The following EGFLAM variants were observed in gnomAD, a reference collection of about 807,000 sequenced individuals.
EGFLAM encodes the protein EGF like, fibronectin type III and laminin G domains.
A neutral mutation model predicts 113.1 loss-of-function variants in EGFLAM; 79 were observed. The observed-to-expected ratio is 0.70, with a 90% CI of 0.58 to 0.84. EGFLAM has a LOEUF of 0.84. EGFLAM is among the 40% of genes least tolerant of loss of function. EGFLAM has a pLI of 0.00. For missense variants in EGFLAM, 1,265 were observed against 1,291.6 expected (o/e 0.98, Z 0.32); for synonymous variants, 504 against 487.6 (o/e 1.03, Z -0.44).
chr5:38,431,347 C>G (rs1478763896), intron 15 of EGFLAM, 59 bp downstream of exon 15: 1 of 1,534,370 alleles, frequency 6.5e-7, no homozygotes, highest in Non-Finnish European at 8.9e-7. Flanking sequence ...CTGTTTTCTG[C>G]CTGTCTTGGT....
At chr5:38,275,283 G>T (rs1038015175) in intron 1 of EGFLAM, among the ~76,000 whole-genome samples, 7 of 152,088 alleles carry the variant, frequency 4.6e-5, no homozygotes, top group Admixed American at 3.9e-4. Flanking sequence ...ACATAAAGTG[G>T]CTTGAAAAAC....
intron 19 of EGFLAM, among the ~76,000 whole-genome samples, chr5:38,458,070 A>G (rs1743146498): frequency 6.6e-6 from 1 of 152,204 alleles, no homozygotes; most frequent in Non-Finnish European, 1.5e-5. Flanking sequence ...ATGCTTAAAA[A>G]TGGTTACGAT....
intron 1 of EGFLAM, among the ~76,000 whole-genome samples, chr5:38,306,597 A>T (rs1011243693): frequency 2.6e-5 from 4 of 152,178 alleles, no homozygotes; most frequent in African/African-American, 9.7e-5. Flanking sequence ...TATTGTATTT[A>T]TATATACATT....
chr5:38,395,200 A>C (rs375273043), intron 6 of EGFLAM, among the ~76,000 whole-genome samples: 3 of 149,812 alleles, frequency 2.0e-5, no homozygotes, highest in African/African-American at 7.4e-5. Context: ...TTGGCCTCCC[A>C]AAGTGCTGGG....
chr5:38,286,859 C>T (rs759563211), intron 1 of EGFLAM, among the ~76,000 whole-genome samples: 21 of 152,266 alleles, frequency 1.4e-4, no homozygotes, highest in South Asian at 6.2e-4. Flanking sequence ...TGTGAATATA[C>T]GCAGGCAGTC....
chr5:38,313,744 A>G (rs1442575092), intron 1 of EGFLAM, among the ~76,000 whole-genome samples: 1 of 152,196 alleles, frequency 6.6e-6, no homozygotes, highest in East Asian at 1.9e-4. Context: ...TTACTCATGT[A>G]ATATTTGAAT....
intron 19 of EGFLAM, among the ~76,000 whole-genome samples, chr5:38,457,401 G>C (rs1228357573): frequency 1.3e-5 from 2 of 152,148 alleles, no homozygotes; most frequent in Admixed American, 1.3e-4. Context: ...GGGAGAATCG[G>C]CTCCATGCCT....
intron 11 of EGFLAM, among the ~76,000 whole-genome samples, chr5:38,415,603 G>A (rs1199560171): frequency 6.6e-6 from 1 of 152,154 alleles, no homozygotes; most frequent in Non-Finnish European, 1.5e-5. Context: ...GAGCCCAGGA[G>A]GTGAAGCCTG....
chr5:38,277,801 A>G (rs1332740891), intron 1 of EGFLAM, among the ~76,000 whole-genome samples: 1 of 152,202 alleles, frequency 6.6e-6, no homozygotes, highest in East Asian at 1.9e-4. Context: ...TAGATACAAA[A>G]ATTGAAATAC....
chr5:38,301,899 T>C (rs1474406012), intron 1 of EGFLAM, among the ~76,000 whole-genome samples: 2 of 152,114 alleles, frequency 1.3e-5, no homozygotes, highest in Non-Finnish European at 2.9e-5. Context: ...CAATTTCCAA[T>C]ATCTCCCTCC....
chr5:38,323,698 T>C (rs994371201), intron 1 of EGFLAM, among the ~76,000 whole-genome samples: 3 of 152,076 alleles, frequency 2.0e-5, no homozygotes, highest in African/African-American at 7.2e-5. Flanking sequence ...ATGTAACAGA[T>C]AAGATCCCAC....
chr5:38,299,034 T>C (rs145857030), intron 1 of EGFLAM, among the ~76,000 whole-genome samples: 1 of 152,354 alleles, frequency 6.6e-6, no homozygotes, highest in Non-Finnish European at 1.5e-5. Flanking sequence ...CAATGATTTC[T>C]TCCTATGTAA....
chr5:38,462,846 A>G, intron 20 of EGFLAM, 62 bp from the exon 21 acceptor site: 1 of 1,549,012 alleles, frequency 6.5e-7, no homozygotes, highest in Non-Finnish European at 8.9e-7. Context: ...AAATGAATGA[A>G]TGATTGAATG....
chr5:38,279,705 A>G (rs1757969241), intron 1 of EGFLAM, among the ~76,000 whole-genome samples: 1 of 152,178 alleles, frequency 6.6e-6, no homozygotes, highest in African/African-American at 2.4e-5. Flanking sequence ...GGTGGTAACC[A>G]GAGGCTGGGT....
At chr5:38,342,270 T>A (rs1739357189) in intron 3 of EGFLAM, among the ~76,000 whole-genome samples, 1 of 152,216 alleles carries the variant, frequency 6.6e-6, no homozygotes, top group Admixed American at 6.5e-5. Context: ...TAAGCTCTGG[T>A]TCAAGAGTAG....
intron 5 of EGFLAM, among the ~76,000 whole-genome samples, chr5:38,352,553 A>G (rs1739657354): frequency 6.6e-6 from 1 of 151,886 alleles, no homozygotes. Context: ...AGGCTGAGGC[A>G]GGAGAAATGC....
At chr5:38,421,523 T>A (rs1021444522) in intron 12 of EGFLAM, among the ~76,000 whole-genome samples, 9 of 152,210 alleles carry the variant, frequency 5.9e-5, no homozygotes, top group Non-Finnish European at 1.2e-4. Flanking sequence ...AATAAATACT[T>A]CACTGAGCAC....
In EGFLAM at chr5:38,347,318, A is replaced by T. The variant is rs1739497079; in HGVS notation, c.292-3183A>T. 2.6e-5 allele frequency among the ~76,000 whole-genome samples: 4 copies of T among 152,194 alleles called. No homozygotes were observed. In the South Asian group the frequency reaches 8.3e-4, roughly 31 times the overall value. Reference sequence around the variant, plus strand: ...CTTGAGCATTTGCTAGATGTCTGGTAATACTATGCTAAGCTTTGGGATGCC... The same window carrying T: ...CTTGAGCATTTGCTAGATGTCTGGTTATACTATGCTAAGCTTTGGGATGCC... On this transcript the variant is annotated intron_variant, in intron 3 of 21. Coordinates refer to ENST00000322350, the MANE Select transcript of EGFLAM (RefSeq NM_152403.4).
chr5:38,283,415 C>T (rs1001211708), intron 1 of EGFLAM, among the ~76,000 whole-genome samples: 1 of 152,078 alleles, frequency 6.6e-6, no homozygotes, highest in South Asian at 2.1e-4. Context: ...GAAGAATCCA[C>T]GTTTACATAT....
Sources: gnomAD v4.1 joint callset for allele counts (sites outside exome capture counted in the v4.1 genomes callset) on GRCh38, gnomAD v4.1.1 for gene constraint, MANE v1.5 for transcripts, NCBI Gene and HGNC (gene_info 2026-07-23, HGNC 2026-07-21) for gene names.